Variants in PHLDB1 observed in about 807,000 individuals in gnomAD.
PHLDB1 encodes the protein pleckstrin homology-like domain family B member 1.
PHLDB1 carries 65 observed loss-of-function variants against 139.3 expected under a neutral mutation model. The observed-to-expected ratio is 0.47, with a 90% CI of 0.38 to 0.57. The LOEUF is 0.57. Ranked by LOEUF, PHLDB1 falls within the 20% of genes least tolerant of loss-of-function variation. The pLI is 0.00. For missense variants in PHLDB1, 1,624 were observed against 1,839.7 expected (o/e 0.88, Z 2.14); for synonymous variants, 679 against 734.5 (o/e 0.92, Z 1.22).
At position 118,650,137 on chromosome 11, in the gene PHLDB1, A is replaced by G. The variant is rs1948143254; in HGVS notation, c.3715A>G (p.Ile1239Val). The change falls in exon 19 of 23, where the codon ATT becomes GTT. Residue 1239 changes from isoleucine (I) to valine (V), a missense_variant. Ile to Val is a conservative substitution (Grantham distance 29). Coordinates refer to ENST00000600882, the MANE Select transcript of PHLDB1 (RefSeq NM_001144758.3). This position sits in a 1 kb window ranked among gnomAD's most constrained non-coding sequence, Gnocchi z 4.7. Reference protein sequence around the residue: ...RKEDFDLKTHIESSGHGVDTC... With the variant: ...RKEDFDLKTHVESSGHGVDTC... ...GGAGGACTTTGACCTGAAGACACAT[A>G]TTGAGTCATCGGGCCATGGTGTTGA... 9 of 1,614,106 alleles carry G rather than the reference A, an allele frequency of 5.6e-6. No homozygotes were observed. Among genetic ancestry groups the G allele is most frequent in the Non-Finnish European group, 7.6e-6 (9 of 1,179,986 alleles).
At chr11:118,616,544 G>A (rs1941686014) in intron 4 of PHLDB1, among the ~76,000 whole-genome samples, 1 of 152,240 alleles carries the variant, frequency 6.6e-6, no homozygotes, top group African/African-American at 2.4e-5. Flanking sequence ...GAGCAGCAGT[G>A]AGAGGGTATC....
In PHLDB1 at chr11:118,611,310, T is replaced by G. The variant is rs1356072367; in HGVS notation, c.-21-2506T>G. On this transcript the variant is annotated intron_variant, in intron 1 of 22. Coordinates refer to ENST00000600882, the MANE Select transcript of PHLDB1 (RefSeq NM_001144758.3). The surrounding 1 kb of genome is among the most constrained non-coding windows in gnomAD (Gnocchi z 4.7). ...CCAATCTCTCCATCTTTTCTTATCT[T>G]CTCCCCACACCTCTCTCCTTATCTC... Among the ~76,000 whole-genome samples, 2 of 152,166 alleles carry G rather than the reference T, an allele frequency of 1.3e-5. No homozygotes were observed. The highest frequency in any genetic ancestry group is 6.5e-5 in the Admixed American group (1 of 15,286).
At chr11:118,653,955 T>C (rs1296639224) in intron 20 of PHLDB1, 2 of 152,130 alleles carry the variant, frequency 1.3e-5, no homozygotes, top group Non-Finnish European at 2.9e-5. Flanking sequence ...CAGGGTGTAT[T>C]ATTAAGGGAA....
chr11:118,641,981 C>A (rs1425070884), intron 12 of PHLDB1: 3 of 571,048 alleles, frequency 5.3e-6, no homozygotes, highest in Non-Finnish European at 9.3e-6. Flanking sequence ...CTGACTGTTT[C>A]TCTTTGCCCT....
chr11:118,607,538 G>C (rs1327767678), upstream of PHLDB1: 1 of 144,174 alleles, frequency 6.9e-6, no homozygotes, highest in African/African-American at 2.5e-5. Flanking sequence ...GACGGGGGAC[G>C]GGGGCGGGGA....
chr11:118,630,734 G>A (rs1468961879), intron 6 of PHLDB1, among the ~76,000 whole-genome samples: 2 of 152,108 alleles, frequency 1.3e-5, no homozygotes, highest in Non-Finnish European at 2.9e-5. Context: ...CAGTGCTGGT[G>A]TGTCAGTATG....
rs1334526092 is a variant in PHLDB1, at chr11:118,620,628, A to G, written c.356-4306A>G. On this transcript the variant is annotated intron_variant, in intron 4 of 22. Transcript: ENST00000600882. This position sits in a 1 kb window ranked among gnomAD's most constrained non-coding sequence, Gnocchi z 4.1. ...CGGAGGGCTCTTTGCTGGGTCTAGC[A>G]CAACTGGATGTTGTGGCTGGGGTGC... Among the ~76,000 whole-genome samples, 1 of 152,210 alleles carries G rather than the reference A, an allele frequency of 6.6e-6. No homozygotes were observed. The highest frequency in any genetic ancestry group is 1.5e-5 in the Non-Finnish European group (1 of 68,042).
At position 118,628,103 on chromosome 11, in the gene PHLDB1, G is replaced by C. The variant is rs184032736; in HGVS notation, c.1280G>C (p.Arg427Pro). Residue 427 changes from arginine to proline, a missense_variant, in exon 6 of 23, where the codon CGA (arginine) becomes CCA (proline). Transcript: ENST00000600882. ...TTSPSRQLVG[R>P]TFSDGLATRT... ...AGCCCCTCACGCCAACTGGTGGGCC[G>C]AACATTTTCAGATGGGTTAGCCACC... The C allele has an allele frequency of 1.9e-6, 3 of 1,613,828 alleles. No individual in the cohort carries two copies. In the African/African-American group the frequency reaches 4.0e-5, roughly 22 times the overall value.
intron 4 of PHLDB1, among the ~76,000 whole-genome samples, chr11:118,619,572 C>G (rs1226259989): frequency 6.6e-6 from 1 of 152,244 alleles, no homozygotes; most frequent in Non-Finnish European, 1.5e-5. Context: ...GCCTCCTGCC[C>G]TATTTCTCAT....
At position 118,643,976 on chromosome 11, in the gene PHLDB1, G is replaced by A. The variant is rs782749488; in HGVS notation, c.3018+36G>A. ...AGTGGGTGGGGCTGCACATGTGGCTGGGGATGGAGACTTCCACCCTGGGGA... is the reference window on the plus strand; with the variant it reads ...AGTGGGTGGGGCTGCACATGTGGCTAGGGATGGAGACTTCCACCCTGGGGA... On this transcript the variant is annotated intron_variant, in intron 14 of 22. Transcript: ENST00000600882. 9 of 1,591,378 alleles carry A rather than the reference G, an allele frequency of 5.7e-6. No individual in the cohort carries two copies. In the South Asian group the frequency reaches 8.1e-5, roughly 14 times the overall value.
At position 118,657,369 on chromosome 11, in the gene PHLDB1, A is replaced by G. The variant is rs1373746325; in HGVS notation, c.*546A>G. 2 of 153,798 alleles carry G rather than the reference A, an allele frequency of 1.3e-5. No homozygotes were observed. Among genetic ancestry groups the G allele is most frequent in the East Asian group, 3.9e-4 (2 of 5,188 alleles). The allele number at this position is 153,798 out of a possible 1,614,324, so 9.5% of individuals were successfully genotyped here. A position where few individuals can be genotyped will look rare whatever the true frequency, so the allele number is the denominator to read the frequency against. On this transcript the variant is annotated 3_prime_UTR_variant, in exon 23 of 23. Coordinates refer to ENST00000600882, the MANE Select transcript of PHLDB1 (RefSeq NM_001144758.3). ...TAGTTGCAGACTCATCACCATGGTT[A>G]CCATAGTGACTGCTTCATTGCCATG...
Position 118,647,924 on chromosome 11 carries a change from G to A in PHLDB1, c.3508-6G>A. On this transcript the variant is annotated splice_polypyrimidine_tract_variant and splice_region_variant and intron_variant, in intron 17 of 22. Transcript: ENST00000600882. ...ATAGGTGCTGACCCCTTGGCTTTGG[G>A]GGCAGGAGCGGGAGATGGAGCTGCG... 1 of 1,561,772 alleles carries A rather than the reference G, an allele frequency of 6.4e-7. No individual in the cohort carries two copies. The highest frequency in any genetic ancestry group is 2.4e-5 in the East Asian group (1 of 41,600).
At position 118,632,923 on chromosome 11, in the gene PHLDB1, T is replaced by C; in HGVS notation, c.2379+627T>C. On this transcript the variant is annotated intron_variant, in intron 9 of 22. Transcript: ENST00000600882. This position sits in a 1 kb window ranked among gnomAD's most constrained non-coding sequence, Gnocchi z 5.9. Reference sequence around the variant, plus strand: ...ACAGTATTTTTCCAATAATTTAATTTTCCTTCTGGATTTTTTGAGTTTCTT... The same window carrying C: ...ACAGTATTTTTCCAATAATTTAATTCTCCTTCTGGATTTTTTGAGTTTCTT... The C allele has an allele frequency of 1.3e-6, 1 of 798,002 alleles. No individual in the cohort carries two copies. Among genetic ancestry groups the C allele is most frequent in the Middle Eastern group, 6.4e-4 (1 of 1,556 alleles). 49.4% of individuals were successfully genotyped at this position (798,002 alleles called of 1,614,324 possible).
At chr11:118,647,665 A>G (rs1657947188) in intron 17 of PHLDB1, 1 of 327,392 alleles carries the variant, frequency 3.1e-6, no homozygotes, top group Admixed American at 4.4e-5. Context: ...AGTGAGCGAG[A>G]TAAAAAAAAA....
intron 22 of PHLDB1, 88 bp from the exon 23 acceptor site, chr11:118,656,595 G>C: frequency 7.5e-7 from 1 of 1,330,268 alleles, no homozygotes; most frequent in Non-Finnish European, 1.1e-6. Context: ...TAGGGGCTGG[G>C]AGGGGAAAGG....
rs1945491213 is a variant in PHLDB1, at chr11:118,635,481, G to C, written c.2468G>C (p.Arg823Pro). Residue 823 changes from arginine to proline, a missense_variant, in exon 10 of 23, where the codon CGC (arginine) becomes CCC (proline). Arg to Pro is a moderately radical substitution (Grantham distance 103). Transcript: ENST00000600882. ...CGGGAGAGCCGCGTGGAGGAGGAGC[G>C]CGAGCTGGCCGGCCAGGGGCTGCTC... Reference protein sequence around the residue: ...LERESRVEEERELAGQGLLRS... With the variant: ...LERESRVEEEPELAGQGLLRS... 1.2e-6 allele frequency: 2 copies of C among 1,610,182 alleles called. No homozygotes were observed. Among genetic ancestry groups the C allele is most frequent in the South Asian group, 2.2e-5 (2 of 90,428 alleles).
chr11:118,647,979 G>A lies in PHLDB1; in HGVS notation c.3557G>A (p.Arg1186Lys). 1 of 1,598,354 alleles carries A rather than the reference G, an allele frequency of 6.3e-7. No individual in the cohort carries two copies. Among genetic ancestry groups the A allele is most frequent in the Non-Finnish European group, 8.5e-7 (1 of 1,172,612 alleles). Residue 1186 changes from arginine to lysine, a missense_variant, in exon 18 of 23, where the codon AGG becomes AAG. Physicochemically the swap from Arg to Lys is conservative, Grantham distance 26. Coordinates refer to ENST00000600882, the MANE Select transcript of PHLDB1 (RefSeq NM_001144758.3). Reference protein sequence around the residue: ...RRQALEEERRRREQVERRLQS... With the variant: ...RRQALEEERRKREQVERRLQS... ...CAGGCCCTGGAGGAGGAGCGGCGGA[G>A]GCGTGAGCAGGTAGAACGGAGGCTG...
chr11:118,614,326 A>G (rs1429949102), intron 2 of PHLDB1, among the ~76,000 whole-genome samples: 1 of 138,886 alleles, frequency 7.2e-6, no homozygotes, highest in Non-Finnish European at 1.5e-5. Flanking sequence ...GACAAAAGGC[A>G]CAGTTAAGCC....
Position 118,611,022 on chromosome 11 carries a change from G to A in PHLDB1, c.-21-2794G>A, listed in dbSNP as rs1940142571. Among the ~76,000 whole-genome samples the A allele has an allele frequency of 2.0e-5, 3 of 152,216 alleles. No homozygotes were observed. Among genetic ancestry groups the A allele is most frequent in the Admixed American group, 2.0e-4 (3 of 15,290 alleles). On this transcript the variant is annotated intron_variant, in intron 1 of 22. Coordinates refer to ENST00000600882, the MANE Select transcript of PHLDB1 (RefSeq NM_001144758.3). The surrounding 1 kb of genome is among the most constrained non-coding windows in gnomAD (Gnocchi z 4.7). Reference sequence around the variant, plus strand: ...CTTTTTTTGGCCGCGGGGCCGGGCGGGCGGGTAATGACAGCCGGGTTGCTG... The same window carrying A: ...CTTTTTTTGGCCGCGGGGCCGGGCGAGCGGGTAATGACAGCCGGGTTGCTG...
Sources: gnomAD v4.1 joint callset for allele counts (sites outside exome capture counted in the v4.1 genomes callset) on GRCh38, gnomAD v4.1.1 for gene constraint, Gnocchi (gnomAD v3.1) non-coding constraint, MANE v1.5 for transcripts, NCBI Gene and HGNC (gene_info 2026-07-23, HGNC 2026-07-21) for gene names.